Variants in GUCY1B1 observed in about 807,000 individuals in gnomAD.
GUCY1B1 encodes the protein guanylate cyclase 1 soluble subunit beta 1.
A neutral mutation model predicts 71.0 loss-of-function variants in GUCY1B1; 43 were observed. The observed-to-expected ratio is 0.61, with a 90% CI of 0.47 to 0.78. The LOEUF is 0.78. GUCY1B1 is among the 30% of genes least tolerant of loss of function. The pLI, the probability that GUCY1B1 is intolerant of heterozygous loss-of-function variation, is 0.00. For missense variants in GUCY1B1, 535 were observed against 754.1 expected (o/e 0.71, Z 3.40); for synonymous variants, 266 against 259.7 (o/e 1.02, Z -0.23).
At chr4:155,774,498 T>C (rs1202538504) in intron 2 of GUCY1B1, among the ~76,000 whole-genome samples, 1 of 152,166 alleles carries the variant, frequency 6.6e-6, no homozygotes, top group Non-Finnish European at 1.5e-5. Flanking sequence ...ATACTTACCA[T>C]TATATGTTAT....
At chr4:155,795,175 A>G (rs1392655507) in intron 6 of GUCY1B1, among the ~76,000 whole-genome samples, 166 bp from the exon 7 acceptor site, 1 of 152,194 alleles carries the variant, frequency 6.6e-6, no homozygotes, top group African/African-American at 2.4e-5. Context: ...TGAGTTGTAT[A>G]GATTGAGATT....
At chr4:155,799,683 G>A (rs911191365) in intron 8 of GUCY1B1, among the ~76,000 whole-genome samples, 194 bp from the exon 9 acceptor site, 7 of 152,132 alleles carry the variant, frequency 4.6e-5, no homozygotes, top group Admixed American at 4.6e-4. Context: ...CAAGTTCACT[G>A]CTTTTTGGTA....
At chr4:155,803,825 A>G (rs1167601850) in intron 11 of GUCY1B1, 61 bp downstream of exon 11, 1 of 1,159,262 alleles carries the variant, frequency 8.6e-7, no homozygotes, top group Non-Finnish European at 1.2e-6. Flanking sequence ...CAATTGATTC[A>G]TATCGTTGTC....
rs534846394 is a variant in GUCY1B1, at chr4:155,802,635, T to A, written c.1413+56T>A. The A allele has an allele frequency of 2.1e-6, 3 of 1,460,126 alleles. No individual in the cohort carries two copies. In the Admixed American group the frequency reaches 7.0e-5, roughly 34 times the overall value. 90.4% of individuals were successfully genotyped at this position (1,460,126 alleles called of 1,614,324 possible). On this transcript the variant is annotated intron_variant, in intron 10 of 13. Coordinates refer to ENST00000264424, the MANE Select transcript of GUCY1B1 (RefSeq NM_000857.5). This position sits in a 1 kb window ranked among gnomAD's most constrained non-coding sequence, Gnocchi z 4.3. Reference sequence around the variant, plus strand: ...TATCCAGAGGCTGGCGTTCTGAGACTCCCCTCCAGAGGCCATGTCATCACA... The same window carrying A: ...TATCCAGAGGCTGGCGTTCTGAGACACCCCTCCAGAGGCCATGTCATCACA...
At chr4:155,801,567 C>G (rs1739953170) in intron 9 of GUCY1B1, among the ~76,000 whole-genome samples, 1 of 152,162 alleles carries the variant, frequency 6.6e-6, no homozygotes, top group South Asian at 2.1e-4. Context: ...CATATTTAAA[C>G]TTCCCACATA....
intron 2 of GUCY1B1, among the ~76,000 whole-genome samples, chr4:155,764,813 T>C (rs1737222096): frequency 6.6e-6 from 1 of 152,208 alleles, no homozygotes; most frequent in African/African-American, 2.4e-5. Flanking sequence ...ACATACCTGC[T>C]ATTGAGCTCT....
intron 8 of GUCY1B1, among the ~76,000 whole-genome samples, chr4:155,798,947 C>T (rs184819720): frequency 1.1e-4 from 16 of 152,300 alleles, no homozygotes; most frequent in Admixed American, 8.5e-4. Flanking sequence ...AAGCAATTCT[C>T]CTGCCTCAGC....
chr4:155,786,361 C>T (rs1179737867), intron 4 of GUCY1B1, among the ~76,000 whole-genome samples: 1 of 149,456 alleles, frequency 6.7e-6, no homozygotes, highest in Non-Finnish European at 1.5e-5. Context: ...GCAACCTCCA[C>T]CTCCTGGGTT....
chr4:155,769,341 C>T (rs909040373), intron 2 of GUCY1B1, among the ~76,000 whole-genome samples: 1 of 152,110 alleles, frequency 6.6e-6, no homozygotes, highest in African/African-American at 2.4e-5. Context: ...AAGGGAGTTT[C>T]TCTTTATCTA....
chr4:155,783,154 T>C (rs1484003595), intron 4 of GUCY1B1, among the ~76,000 whole-genome samples: 1 of 152,228 alleles, frequency 6.6e-6, no homozygotes, highest in Non-Finnish European at 1.5e-5. Flanking sequence ...TGTGTTAATA[T>C]GTGTGTATAT....
intron 2 of GUCY1B1, among the ~76,000 whole-genome samples, 182 bp downstream of exon 2, chr4:155,760,042 G>A (rs1284312760): frequency 2.0e-5 from 3 of 152,126 alleles, no homozygotes; most frequent in African/African-American, 4.8e-5. Flanking sequence ...GAACCAGGAG[G>A]GGAGGGGCGG....
At chr4:155,781,387 C>CGA (rs1561013705) in intron 4 of GUCY1B1, among the ~76,000 whole-genome samples, 1 of 152,068 alleles carries the variant, frequency 6.6e-6, no homozygotes. Flanking sequence ...GTTGACTTAA[C>CGA]GAATACTAAC....
At chr4:155,777,220 T>C (rs542176869) in intron 3 of GUCY1B1, among the ~76,000 whole-genome samples, 1 of 152,346 alleles carries the variant, frequency 6.6e-6, no homozygotes, top group South Asian at 2.1e-4. Flanking sequence ...AAGTTTCAGG[T>C]TCTTGAGTAT....
At chr4:155,767,505 G>A (rs570943101) in intron 2 of GUCY1B1, among the ~76,000 whole-genome samples, 1 of 152,212 alleles carries the variant, frequency 6.6e-6, no homozygotes, top group South Asian at 2.1e-4. Context: ...ATGTCAGGAA[G>A]AAACATGCAA....
Position 155,804,642 on chromosome 4 carries a change from A to G in GUCY1B1, c.1604A>G (p.Gln535Arg). 6.2e-7 allele frequency: 1 copy of G among 1,612,492 alleles called. No homozygotes were observed. Reference sequence around the variant, plus strand: ...GAGGTAGTTACAGGTGTCATAGGACAGCGGATGCCTCGATACTGTCTTTTT... The same window carrying G: ...GAGGTAGTTACAGGTGTCATAGGACGGCGGATGCCTCGATACTGTCTTTTT... ...TGEVVTGVIGQRMPRYCLFGN... is the reference protein window; with the variant it reads ...TGEVVTGVIGRRMPRYCLFGN... The change falls in exon 12 of 14, where the codon CAG becomes CGG. Residue 535 changes from glutamine (Q) to arginine (R), a missense_variant. Coordinates refer to ENST00000264424, the MANE Select transcript of GUCY1B1 (RefSeq NM_000857.5).
In GUCY1B1 at chr4:155,777,570, C is replaced by T. The variant is rs751198134; in HGVS notation, c.225C>T (p.Phe75=). 1.1e-5 allele frequency: 18 copies of T among 1,609,784 alleles called. No individual in the cohort carries two copies. Among genetic ancestry groups the T allele is most frequent in the Admixed American group, 5.0e-5 (3 of 59,988 alleles). The change falls in exon 4 of 14, where the codon TTC becomes TTT. Residue 75 remains phenylalanine, a synonymous_variant. Transcript: ENST00000264424. ...EILQMFGKMF[F]VFCQESGYDT... is the part of the protein sequence containing the mutation. Reference sequence around the variant, plus strand: ...TCCAAATGTTTGGGAAGATGTTTTTCGTCTTTTGCCAAGAATCTGGTTATG... The same window carrying T: ...TCCAAATGTTTGGGAAGATGTTTTTTGTCTTTTGCCAAGAATCTGGTTATG...
rs115087674 is a variant in GUCY1B1 at position 155,770,669 on chromosome 4, A to T, written c.78-4299A>T. On this transcript the variant is annotated intron_variant, in intron 2 of 13. Coordinates refer to ENST00000264424, the MANE Select transcript of GUCY1B1 (RefSeq NM_000857.5). ...TCCAATTAGCTTTTCCCCTGAAAGG[A>T]AAGAAGATGAAGAATAGGCTAGAGA... Among the ~76,000 whole-genome samples the T allele has an allele frequency of 9.4e-3, 1,435 of 152,298 alleles. 8 individuals carry two copies. Among genetic ancestry groups the T allele is most frequent in the Middle Eastern group, 0.02 (6 of 294 alleles).
chr4:155,778,384 A>G (rs1738199793), intron 4 of GUCY1B1, among the ~76,000 whole-genome samples: 1 of 152,224 alleles, frequency 6.6e-6, no homozygotes, highest in African/African-American at 2.4e-5. Flanking sequence ...ATGTGTTAAC[A>G]TTGAAAATTA....
At chr4:155,772,509 G>C (rs1315908397) in intron 2 of GUCY1B1, 1 of 496,736 alleles carries the variant, frequency 2.0e-6, no homozygotes, top group Admixed American at 3.2e-5. Context: ...CAACTCCCGA[G>C]GCTCAAGCAA....
Sources: allele counts gnomAD v4.1 joint callset (sites outside exome capture counted in the v4.1 genomes callset), GRCh38; gene constraint gnomAD v4.1.1; non-coding constraint Gnocchi (gnomAD v3.1); transcripts MANE v1.5; gene names NCBI Gene and HGNC (gene_info 2026-07-23, HGNC 2026-07-21).